Variants in MGAT4A observed in about 807,000 individuals in gnomAD.
MGAT4A encodes the protein N-acetylglucosaminyltransferase IVa.
A neutral mutation model predicts 74.1 loss-of-function variants in MGAT4A; 33 were observed. The ratio of observed to expected loss-of-function variants is 0.45; its 90% CI spans 0.34 to 0.60. The LOEUF is 0.60. Ranked by LOEUF, MGAT4A falls within the 20% of genes least tolerant of loss-of-function variation. MGAT4A has a pLI of 0.02. For missense variants in MGAT4A, 479 were observed against 628.3 expected, an observed-to-expected ratio of 0.76 and a Z score of 2.54; for synonymous variants, 198 against 210.4, an observed-to-expected ratio of 0.94 and a Z score of 0.51.
chr2:98,643,280 T>G (rs1198365382), intron 10 of MGAT4A, among the ~76,000 whole-genome samples: 1 of 152,190 alleles, frequency 6.6e-6, no homozygotes, highest in Non-Finnish European at 1.5e-5. Context: ...AGTCTTGGGC[T>G]CCCAAGGTGC....
rs1398556343 is a variant in MGAT4A, at chr2:98,660,416, GCGCACACA to G, written c.538-2160_538-2153del. Among the ~76,000 whole-genome samples, 700 of 84,940 alleles carry G rather than the reference GCGCACACA, an allele frequency of 8.2e-3. 3 individuals are homozygous for G. The highest frequency in any genetic ancestry group is 0.022 in the African/African-American group (663 of 29,640). 55.7% of individuals were successfully genotyped at this position (84,940 alleles called of 152,430 possible). On this transcript the variant is annotated intron_variant, in intron 5 of 15. Coordinates refer to ENST00000393487, the MANE Select transcript of MGAT4A (RefSeq NM_012214.3). ...ACCACACACACACACACACACGCACGCGCACACACACACACACACACACACACACACAC... is the reference window on the plus strand; with the variant it reads ...ACCACACACACACACACACACGCACGCACACACACACACACACACACACAC...
At chr2:98,667,359 T>TGGAACA (rs1275031856) in intron 4 of MGAT4A, among the ~76,000 whole-genome samples, 1 of 152,170 alleles carries the variant, frequency 6.6e-6, no homozygotes, top group Non-Finnish European at 1.5e-5. Flanking sequence ...AGGCAGAGGC[T>TGGAACA]GGAACAGTTT....
chr2:98,709,260 C>T lies in MGAT4A; in HGVS notation c.94+16979G>A, dbSNP rs144321323. Among the ~76,000 whole-genome samples the T allele has an allele frequency of 2.6e-5, 4 of 152,232 alleles. No individual in the cohort carries two copies. The East Asian group carries it at 7.7e-4, about 29-fold the overall frequency. ...CACCAACTCTAAGCTTGTTTTCAGT[C>T]TATAAGCTACAGGCTTATTTCCCCT... On this transcript the variant is annotated intron_variant, in intron 2 of 15. Coordinates refer to ENST00000393487, the MANE Select transcript of MGAT4A (RefSeq NM_012214.3).
intron 2 of MGAT4A, among the ~76,000 whole-genome samples, chr2:98,725,125 C>A (rs982639380): frequency 6.6e-6 from 1 of 152,050 alleles, no homozygotes; most frequent in Admixed American, 6.6e-5. Context: ...TCATTTAGTA[C>A]AATAAAAACA....
chr2:98,655,988 C>T (rs1701654552), intron 7 of MGAT4A: 2 of 220,982 alleles, frequency 9.1e-6, no homozygotes, highest in Non-Finnish European at 1.8e-5. Flanking sequence ...TATTCTGGTG[C>T]CTAGGACTGT....
intron 2 of MGAT4A, among the ~76,000 whole-genome samples, chr2:98,683,508 G>A (rs1016262614): frequency 6.6e-6 from 1 of 151,990 alleles, no homozygotes; most frequent in Non-Finnish European, 1.5e-5. Flanking sequence ...AATGTGTAGA[G>A]AACTTATTTG....
chr2:98,659,040 C>A (rs961632329), intron 5 of MGAT4A, among the ~76,000 whole-genome samples: 6 of 152,148 alleles, frequency 3.9e-5, no homozygotes, highest in African/African-American at 1.4e-4. Flanking sequence ...ACATTTTCAA[C>A]CAAGTTCAGA....
chr2:98,649,667 G>A (rs1322332074), intron 8 of MGAT4A, among the ~76,000 whole-genome samples: 1 of 152,050 alleles, frequency 6.6e-6, no homozygotes, highest in Admixed American at 6.6e-5. Flanking sequence ...CAGTGCTGCA[G>A]AGCTCCTGAC....
chr2:98,728,900 T>C (rs1204872557), intron 1 of MGAT4A, among the ~76,000 whole-genome samples: 1 of 152,212 alleles, frequency 6.6e-6, no homozygotes, highest in African/African-American at 2.4e-5. Context: ...AAAATACTTA[T>C]AACTTTCAGC....
At chr2:98,656,774 A>T (rs1410890588) in intron 6 of MGAT4A, among the ~76,000 whole-genome samples, 2 of 146,942 alleles carry the variant, frequency 1.4e-5, no homozygotes, top group East Asian at 2.0e-4. Context: ...TATCTGAATT[A>T]AAAAAAAAAA....
chr2:98,729,519 C>G (rs897881297), intron 1 of MGAT4A, among the ~76,000 whole-genome samples: 1 of 152,130 alleles, frequency 6.6e-6, no homozygotes, highest in Non-Finnish European at 1.5e-5. Flanking sequence ...TATAATCTAA[C>G]ACGTTTGAAT....
At chr2:98,672,923 C>T (rs1045748882) in intron 4 of MGAT4A, among the ~76,000 whole-genome samples, 9 of 152,170 alleles carry the variant, frequency 5.9e-5, no homozygotes, top group Admixed American at 3.9e-4. Context: ...ATTTTTAAAT[C>T]ATATTCAGTT....
chr2:98,642,639 T>C (rs749064897), intron 10 of MGAT4A, among the ~76,000 whole-genome samples: 1 of 152,236 alleles, frequency 6.6e-6, no homozygotes, highest in Non-Finnish European at 1.5e-5. Flanking sequence ...AAGTGTATTG[T>C]AGGAGGTTAA....
intron 2 of MGAT4A, among the ~76,000 whole-genome samples, chr2:98,712,585 C>T (rs896368736): frequency 6.6e-6 from 1 of 152,192 alleles, no homozygotes; most frequent in African/African-American, 2.4e-5. Context: ...GCACTTTTTA[C>T]ATCTTTCTTA....
chr2:98,621,531 T>A lies in MGAT4A; in HGVS notation c.*4035A>T. 6.4e-7 allele frequency: 1 copy of A among 1,551,566 alleles called. No homozygotes were observed. The highest frequency in any genetic ancestry group is 2.4e-5 in the East Asian group (1 of 40,912). ...CTTTTAAAGGAGTCACAAGATTTGA[T>A]TAGCCACCCCCAGACAGTCTTCCTT... On this transcript the variant is annotated 3_prime_UTR_variant, in exon 16 of 16. Transcript: ENST00000393487.
intron 2 of MGAT4A, among the ~76,000 whole-genome samples, chr2:98,721,619 TACA>T (rs1158544810): frequency 6.6e-6 from 1 of 151,928 alleles, no homozygotes; most frequent in Admixed American, 6.6e-5. Context: ...ATGTAATAAG[TACA>T]ACAATACCCC....
chr2:98,628,857 A>G (rs558237021), intron 14 of MGAT4A, among the ~76,000 whole-genome samples: 2 of 152,220 alleles, frequency 1.3e-5, no homozygotes, highest in East Asian at 3.9e-4. Flanking sequence ...GATCTGCAGT[A>G]CTCTAAGCAG....
intron 6 of MGAT4A, among the ~76,000 whole-genome samples, chr2:98,657,353 C>G (rs1188080661): frequency 6.6e-6 from 1 of 152,086 alleles, no homozygotes; most frequent in Non-Finnish European, 1.5e-5. Flanking sequence ...TTGCATAAGC[C>G]CACAGACTTG....
At position 98,621,685 on chromosome 2, in the gene MGAT4A, T is replaced by C. The variant is rs1701063166; in HGVS notation, c.*3881A>G. 7.1e-7 allele frequency: 1 copy of C among 1,413,004 alleles called. No individual in the cohort carries two copies. The highest frequency in any genetic ancestry group is 1.6e-5 in the South Asian group (1 of 64,396). 87.5% of individuals were successfully genotyped at this position (1,413,004 alleles called of 1,614,324 possible). A position where few individuals can be genotyped will look rare whatever the true frequency, so the allele number is the denominator to read the frequency against. On this transcript the variant is annotated 3_prime_UTR_variant, in exon 16 of 16. Transcript: ENST00000393487. ...TTCTTAGAAATTTGCCTACCACAAA[T>C]ATACACTGTTATTCACTAGAATAAT...
Sources: allele counts gnomAD v4.1 joint callset (sites outside exome capture counted in the v4.1 genomes callset), GRCh38; gene constraint gnomAD v4.1.1; transcripts MANE v1.5; gene names NCBI Gene and HGNC (gene_info 2026-07-23, HGNC 2026-07-21).